PROSER2: variants seen among roughly 807,000 people sequenced by gnomAD.
The protein encoded by PROSER2 is proline and serine rich 2, also known as proline and serine-rich protein 2.
In PROSER2, 18 loss-of-function variants were observed where a neutral mutation model predicts 14.6. That is an observed-to-expected ratio of 1.23 (90% CI 0.85 to 1.83). PROSER2 has a LOEUF of 1.83. PROSER2 is among the 40% of genes most tolerant of loss of function. The probability of loss-of-function intolerance (pLI) is 0.00; values close to 1 mark genes in which losing one functional copy is unlikely to be tolerated. For missense variants in PROSER2, 823 were observed against 629.8 expected (o/e 1.31, Z -3.28); for synonymous variants, 367 against 286.4 (o/e 1.28, Z -2.84).
chr10:11,849,130 T>C (rs1833973973), intron 1 of PROSER2, among the ~76,000 whole-genome samples: 1 of 151,830 alleles, frequency 6.6e-6, no homozygotes, highest in Admixed American at 6.6e-5. Flanking sequence ...GAGGTTGCGG[T>C]AAGCCGAGAT....
rs1834410788 is a variant in PROSER2, at chr10:11,869,127, C to T, written c.392-363C>T. On this transcript the variant is annotated intron_variant, in intron 3 of 3. Coordinates refer to ENST00000277570, the MANE Select transcript of PROSER2 (RefSeq NM_153256.4). This position sits in a 1 kb window ranked among gnomAD's most constrained non-coding sequence, Gnocchi z 4.4. ...TGCTGGTGTCGGTGTGTGCCACACA[C>T]TTTCTAGACTCAATTTCCCCTTTGT... 6.6e-6 allele frequency among the ~76,000 whole-genome samples: 1 copy of T among 152,208 alleles called. No homozygotes were observed. Among genetic ancestry groups the T allele is most frequent in the African/African-American group, 2.4e-5 (1 of 41,444 alleles).
In PROSER2 at chr10:11,870,115, G is replaced by A. The variant is rs375509412; in HGVS notation, c.1017G>A (p.Pro339=). ...LRAGGQAPRG[P]ALANGFPSAH... ...CAGGGGGTCAGGCTCCGCGGGGCCCGGCGCTGGCCAACGGCTTCCCAAGTG... is the reference window on the plus strand; with the variant it reads ...CAGGGGGTCAGGCTCCGCGGGGCCCAGCGCTGGCCAACGGCTTCCCAAGTG... The change falls in exon 4 of 4, where the codon CCG becomes CCA. Residue 339 remains proline (P), a synonymous_variant. Transcript: ENST00000277570. The A allele has an allele frequency of 8.5e-4, 1,152 of 1,349,630 alleles. 11 individuals carry two copies. The African/African-American group carries it at 0.016, about 18-fold the overall frequency. 83.6% of individuals were successfully genotyped at this position (1,349,630 alleles called of 1,614,324 possible).
intron 1 of PROSER2, among the ~76,000 whole-genome samples, chr10:11,848,358 G>A (rs1392183040): frequency 2.0e-5 from 3 of 152,082 alleles, no homozygotes; most frequent in East Asian, 3.9e-4. Context: ...TAGTAGAGAC[G>A]GGGTTTCGCC....
At chr10:11,828,592 A>G (rs1833647430) in intron 1 of PROSER2, among the ~76,000 whole-genome samples, 1 of 152,064 alleles carries the variant, frequency 6.6e-6, no homozygotes, top group Non-Finnish European at 1.5e-5. Flanking sequence ...AATCCCAGCT[A>G]CTCGGGAGGC....
In PROSER2 at chr10:11,870,228, C is replaced by A; in HGVS notation, c.1130C>A (p.Thr377Lys). The change falls in exon 4 of 4, where the codon ACG (threonine) becomes AAG (lysine). Residue 377 changes from threonine (T) to lysine (K), a missense_variant. By Grantham distance (78) the Thr-to-Lys change is moderately conservative (BLOSUM62 -1). Transcript: ENST00000277570. ...CFRPGPALPS[T>K]RARQSFPGPR... is the part of the protein sequence containing the mutation. Reference sequence around the variant, plus strand: ...CGCCCTGGCCCGGCCCTGCCCAGCACGCGGGCCCGTCAGAGCTTCCCCGGG... The same window carrying A: ...CGCCCTGGCCCGGCCCTGCCCAGCAAGCGGGCCCGTCAGAGCTTCCCCGGG... 1 of 1,490,592 alleles carries A rather than the reference C, an allele frequency of 6.7e-7. No homozygotes were observed. Among genetic ancestry groups the A allele is most frequent in the Non-Finnish European group, 8.9e-7 (1 of 1,127,906 alleles). 92.3% of individuals were successfully genotyped at this position (1,490,592 alleles called of 1,614,324 possible). A position where few individuals can be genotyped will look rare whatever the true frequency, so the allele number is the denominator to read the frequency against.
rs1834359540 is a variant in PROSER2, at chr10:11,866,857, G to C, written c.391+74G>C. The C allele has an allele frequency of 6.7e-7, 1 of 1,502,784 alleles. No individual in the cohort carries two copies. Among genetic ancestry groups the C allele is most frequent in the Admixed American group, 2.1e-5 (1 of 48,088 alleles). The allele number at this position is 1,502,784 out of a possible 1,614,324, so 93.1% of individuals were successfully genotyped here. ...TGAGACCCAGAGATACTTCTTTTGT[G>C]TTCCCCTGTGTTTGCCAGTAGAAGT... is the stretch of plus-strand genomic sequence containing the variant. On this transcript the variant is annotated intron_variant, in intron 3 of 3. Coordinates refer to ENST00000277570, the MANE Select transcript of PROSER2 (RefSeq NM_153256.4). This position sits in a 1 kb window ranked among gnomAD's most constrained non-coding sequence, Gnocchi z 6.0.
In PROSER2 at chr10:11,867,364, A is replaced by C. The variant is rs145095691; in HGVS notation, c.391+581A>C. Among the ~76,000 whole-genome samples, 712 of 152,122 alleles carry C rather than the reference A, an allele frequency of 4.7e-3. 5 individuals carry two copies. Among genetic ancestry groups the C allele is most frequent in the African/African-American group, 0.016 (666 of 41,508 alleles). On this transcript the variant is annotated intron_variant, in intron 3 of 3. Coordinates refer to ENST00000277570, the MANE Select transcript of PROSER2 (RefSeq NM_153256.4). ...ATACATGCACAGAAAGAAAATTGGAAATGGCTTCCAGGTAATTATTCTATT... is the reference window on the plus strand; with the variant it reads ...ATACATGCACAGAAAGAAAATTGGACATGGCTTCCAGGTAATTATTCTATT...
Position 11,843,459 on chromosome 10 carries a change from G to A in PROSER2, c.-81-8538G>A, listed in dbSNP as rs535528179. Reference sequence around the variant, plus strand: ...TCCCAGCACTTTGGGAGGCCAAGGCGGGCAGATCATGAGGTCAAGAGATCG... The same window carrying A: ...TCCCAGCACTTTGGGAGGCCAAGGCAGGCAGATCATGAGGTCAAGAGATCG... On this transcript the variant is annotated intron_variant, in intron 1 of 3. Transcript: ENST00000277570. 2.0e-5 allele frequency among the ~76,000 whole-genome samples: 3 copies of A among 151,556 alleles called. No homozygotes were observed. In the South Asian group the frequency reaches 6.3e-4, roughly 32 times the overall value.
intron 1 of PROSER2, among the ~76,000 whole-genome samples, chr10:11,843,064 C>G (rs1833870345): frequency 6.7e-6 from 1 of 149,330 alleles, no homozygotes; most frequent in South Asian, 2.1e-4. Flanking sequence ...CCTCAGCCTC[C>G]CGAGTAGCTG....
At chr10:11,839,565 G>A (rs1033956817) in intron 1 of PROSER2, among the ~76,000 whole-genome samples, 1 of 152,106 alleles carries the variant, frequency 6.6e-6, no homozygotes, top group African/African-American at 2.4e-5. Context: ...GGTGGCTCAC[G>A]CCTGTACTCC....
intron 1 of PROSER2, among the ~76,000 whole-genome samples, chr10:11,824,765 T>C (rs1209458714): frequency 6.6e-6 from 1 of 152,206 alleles, no homozygotes; most frequent in African/African-American, 2.4e-5. Context: ...TCTTTGAAAA[T>C]TTTAGATGCT....
intron 1 of PROSER2, among the ~76,000 whole-genome samples, chr10:11,842,059 T>TA (rs1384182646): frequency 9.9e-5 from 15 of 152,010 alleles, no homozygotes; most frequent in Non-Finnish European, 1.5e-4. Flanking sequence ...CCATCTCTAC[T>TA]AAAATACAAA....
At position 11,830,372 on chromosome 10, in the gene PROSER2, A is replaced by T. The variant is rs1046082798; in HGVS notation, c.-82+6902A>T. Among the ~76,000 whole-genome samples, 2 of 152,150 alleles carry T rather than the reference A, an allele frequency of 1.3e-5. No individual in the cohort carries two copies. The highest frequency in any genetic ancestry group is 4.1e-4 in the South Asian group (2 of 4,820). ...AAAAGACATGATTGCATTCATTTTT[A>T]TGGCTGAGTAGTCGTCCGTGGTGTT... On this transcript the variant is annotated intron_variant, in intron 1 of 3. Coordinates refer to ENST00000277570, the MANE Select transcript of PROSER2 (RefSeq NM_153256.4). The surrounding 1 kb of genome is among the most constrained non-coding windows in gnomAD (Gnocchi z 4.5).
At chr10:11,835,291 A>G (rs1833745516) in intron 1 of PROSER2, among the ~76,000 whole-genome samples, 1 of 152,076 alleles carries the variant, frequency 6.6e-6, no homozygotes, top group Admixed American at 6.5e-5. Context: ...TGAATGTGCA[A>G]CTTTAGTGTG....
Position 11,866,814 on chromosome 10 carries a change from G to A in PROSER2, c.391+31G>A. 6.3e-7 allele frequency: 1 copy of A among 1,595,702 alleles called. No homozygotes were observed. Among genetic ancestry groups the A allele is most frequent in the Non-Finnish European group, 8.5e-7 (1 of 1,173,832 alleles). ...GGGGAAGACAGGCCATCCCTGGGATGTGGTTTCCTGGTGTCTGTGAGACCC... is the reference window on the plus strand; with the variant it reads ...GGGGAAGACAGGCCATCCCTGGGATATGGTTTCCTGGTGTCTGTGAGACCC... On this transcript the variant is annotated intron_variant, in intron 3 of 3. Transcript: ENST00000277570. The surrounding 1 kb of genome is among the most constrained non-coding windows in gnomAD (Gnocchi z 6.0).
chr10:11,853,394 C>T (rs938543171), intron 2 of PROSER2, among the ~76,000 whole-genome samples: 1 of 152,150 alleles, frequency 6.6e-6, no homozygotes, highest in African/African-American at 2.4e-5. Context: ...TTGAGAACAG[C>T]CTGGCCAACA....
In PROSER2 at chr10:11,870,144, A is replaced by G. The variant is rs1277741152; in HGVS notation, c.1046A>G (p.His349Arg). The G allele has an allele frequency of 8.4e-6, 12 of 1,424,440 alleles. No individual in the cohort carries two copies. Among genetic ancestry groups the G allele is most frequent in the South Asian group, 4.3e-5 (3 of 70,536 alleles). 88.2% of individuals were successfully genotyped at this position (1,424,440 alleles called of 1,614,324 possible). A position where few individuals can be genotyped will look rare whatever the true frequency, so the allele number is the denominator to read the frequency against. Reference protein sequence around the residue: ...PALANGFPSAHEALKSAPSSF... With the variant: ...PALANGFPSAREALKSAPSSF... ...CTGGCCAACGGCTTCCCAAGTGCGC[A>G]CGAGGCCCTGAAGAGCGCACCCAGC... Residue 349 changes from histidine (H) to arginine (R), a missense_variant, in exon 4 of 4, where the codon CAC (histidine) becomes CGC (arginine). By Grantham distance (29) the His-to-Arg change is conservative. Coordinates refer to ENST00000277570, the MANE Select transcript of PROSER2 (RefSeq NM_153256.4).
rs1307582742 is a variant in PROSER2 at position 11,838,833 on chromosome 10, T to C, written c.-81-13164T>C. On this transcript the variant is annotated intron_variant, in intron 1 of 3. Coordinates refer to ENST00000277570, the MANE Select transcript of PROSER2 (RefSeq NM_153256.4). This position sits in a 1 kb window ranked among gnomAD's most constrained non-coding sequence, Gnocchi z 4.4. ...ATCATATTCCTTGTTCATTATTTTT[T>C]TCTGAGTTTCTTATTAGTTTAGAAG... Among the ~76,000 whole-genome samples the C allele has an allele frequency of 1.3e-5, 2 of 152,236 alleles. No homozygotes were observed. The highest frequency in any genetic ancestry group is 2.9e-5 in the Non-Finnish European group (2 of 68,040).
chr10:11,869,588 C>T lies in PROSER2; in HGVS notation c.490C>T (p.Leu164=), dbSNP rs961181847. 2 of 1,608,098 alleles carry T rather than the reference C, an allele frequency of 1.2e-6. No homozygotes were observed. Among genetic ancestry groups the T allele is most frequent in the African/African-American group, 1.3e-5 (1 of 74,802 alleles). ...CGAGACCCTTCTTGCGCCACCACCC[C>T]TGCCTAGCACCCCCGATCCCCCCAG... The part of the protein sequence containing the change: ...APETLLAPPP[L]PSTPDPPRRE... The change falls in exon 4 of 4, where the codon CTG becomes TTG. Residue 164 remains leucine (L), a synonymous_variant. Coordinates refer to ENST00000277570, the MANE Select transcript of PROSER2 (RefSeq NM_153256.4). This position sits in a 1 kb window ranked among gnomAD's most constrained non-coding sequence, Gnocchi z 4.4.
Sources: allele counts gnomAD v4.1 joint callset (sites outside exome capture counted in the v4.1 genomes callset), GRCh38; gene constraint gnomAD v4.1.1; non-coding constraint Gnocchi (gnomAD v3.1); transcripts MANE v1.5; gene names NCBI Gene and HGNC (gene_info 2026-07-23, HGNC 2026-07-21).